The following EGFLAM variants were observed in gnomAD, a reference collection of about 807,000 sequenced individuals.
EGFLAM encodes pikachurin.
A neutral mutation model predicts 113.1 loss-of-function variants in EGFLAM; 79 were observed. The ratio of observed to expected loss-of-function variants is 0.70; its 90% CI spans 0.58 to 0.84. The LOEUF (loss-of-function observed/expected upper bound fraction) is 0.84, where lower values mean the gene tolerates loss of function less well. Among genes scored for constraint, EGFLAM ranks in the 40% least tolerant of loss-of-function variants. The pLI is 0.00. For synonymous variants in EGFLAM, 504 were observed against 487.6 expected (o/e 1.03, Z -0.44); for missense variants, 1,265 against 1,291.6 (o/e 0.98, Z 0.32).
chr5:38,453,945 C>G (rs973483852), intron 19 of EGFLAM, among the ~76,000 whole-genome samples: 1 of 152,200 alleles, frequency 6.6e-6, no homozygotes, highest in Non-Finnish European at 1.5e-5. Flanking sequence ...TCTGCTTTAT[C>G]CTGAACATAC....
chr5:38,409,825 A>G (rs911685188), intron 10 of EGFLAM, among the ~76,000 whole-genome samples: 1 of 152,074 alleles, frequency 6.6e-6, no homozygotes, highest in African/African-American at 2.4e-5. Flanking sequence ...CTCCCCCAAC[A>G]CACTTTGGAA....
intron 3 of EGFLAM, among the ~76,000 whole-genome samples, chr5:38,343,589 C>T (rs1739400654): frequency 6.6e-6 from 1 of 152,150 alleles, no homozygotes; most frequent in Non-Finnish European, 1.5e-5. Context: ...GCCCCTGTAA[C>T]AAAACTCTGG....
chr5:38,432,292 G>T (rs1284348404), intron 15 of EGFLAM, among the ~76,000 whole-genome samples: 1 of 152,094 alleles, frequency 6.6e-6, no homozygotes, highest in Non-Finnish European at 1.5e-5. Flanking sequence ...GGGGAAAGAG[G>T]TACTTGACTG....
At chr5:38,438,087 A>C (rs1167626972) in intron 16 of EGFLAM, among the ~76,000 whole-genome samples, 188 bp from the exon 17 acceptor site, 1 of 147,158 alleles carries the variant, frequency 6.8e-6, no homozygotes, top group Admixed American at 6.9e-5. Flanking sequence ...GCACTACTGC[A>C]CTCCAGCCTG....
At chr5:38,458,444 G>A in intron 20 of EGFLAM, 50 bp downstream of exon 20, 1 of 1,584,604 alleles carries the variant, frequency 6.3e-7, no homozygotes, top group Non-Finnish European at 8.6e-7. Context: ...GCAGTGGTGG[G>A]ATGTGGTGTC....
chr5:38,291,851 G>A (rs1177642616), intron 1 of EGFLAM, among the ~76,000 whole-genome samples: 1 of 152,214 alleles, frequency 6.6e-6, no homozygotes, highest in African/African-American at 2.4e-5. Flanking sequence ...ACCGAAGAGG[G>A]AAATTCCACC....
chr5:38,365,002 T>C (rs1740022482), intron 5 of EGFLAM, among the ~76,000 whole-genome samples: 1 of 152,204 alleles, frequency 6.6e-6, no homozygotes, highest in African/African-American at 2.4e-5. Flanking sequence ...CCCCTCCCTC[T>C]AAGGCCAGTA....
At chr5:38,456,681 G>A (rs1363947888) in intron 19 of EGFLAM, among the ~76,000 whole-genome samples, 1 of 152,156 alleles carries the variant, frequency 6.6e-6, no homozygotes, top group Admixed American at 6.5e-5. Context: ...TGCTTTCTCT[G>A]GAGAAAGCCA....
At chr5:38,326,291 TAGAG>T (rs1738878102) in intron 1 of EGFLAM, among the ~76,000 whole-genome samples, 1 of 152,138 alleles carries the variant, frequency 6.6e-6, no homozygotes. Flanking sequence ...ATCCAGGACA[TAGAG>T]AGCAAAACAT....
chr5:38,351,732 G>A (rs762011455), intron 4 of EGFLAM, among the ~76,000 whole-genome samples: 28 of 152,038 alleles, frequency 1.8e-4, no homozygotes, highest in Non-Finnish European at 4.0e-4. Flanking sequence ...TGATTGTCAG[G>A]GGCAAAACAC....
intron 6 of EGFLAM, among the ~76,000 whole-genome samples, chr5:38,398,860 G>T (rs1039906269): frequency 6.6e-5 from 10 of 152,244 alleles, no homozygotes; most frequent in African/African-American, 2.4e-4. Context: ...CAGCCTCATG[G>T]AGAGAACCAT....
At chr5:38,319,646 T>C (rs1471738105) in intron 1 of EGFLAM, among the ~76,000 whole-genome samples, 1 of 152,050 alleles carries the variant, frequency 6.6e-6, no homozygotes, top group African/African-American at 2.4e-5. Flanking sequence ...TGGGAGGAGA[T>C]GGAGATCTGA....
chr5:38,370,910 T>A (rs1740196973), intron 6 of EGFLAM, among the ~76,000 whole-genome samples: 1 of 152,020 alleles, frequency 6.6e-6, no homozygotes, highest in African/African-American at 2.4e-5. Context: ...GGTCGAGGAG[T>A]ATCAAAGAAG....
intron 1 of EGFLAM, among the ~76,000 whole-genome samples, chr5:38,332,445 C>A (rs913400763): frequency 6.6e-6 from 1 of 152,112 alleles, no homozygotes; most frequent in Non-Finnish European, 1.5e-5. Context: ...CCCACTCTCC[C>A]CCATCAAGTA....
intron 3 of EGFLAM, among the ~76,000 whole-genome samples, chr5:38,340,304 G>C (rs779965487): frequency 7.0e-4 from 106 of 152,268 alleles, no homozygotes; most frequent in Non-Finnish European, 1.1e-3. Context: ...TTCCTTGAAA[G>C]GGGTGTAATA....
chr5:38,416,084 CAAG>C (rs1195976005), intron 11 of EGFLAM, among the ~76,000 whole-genome samples: 1 of 151,970 alleles, frequency 6.6e-6, no homozygotes, highest in Non-Finnish European at 1.5e-5. Context: ...TAAGTAATTG[CAAG>C]AAGCATGTAG....
At chr5:38,322,984 T>G (rs1193426629) in intron 1 of EGFLAM, among the ~76,000 whole-genome samples, 1 of 152,242 alleles carries the variant, frequency 6.6e-6, no homozygotes, top group Admixed American at 6.5e-5. Context: ...CACTTTTTTT[T>G]GGGTTACACA....
chr5:38,409,069 GTCCCTGGCTATCATCCGACGC>G lies in EGFLAM; in HGVS notation c.1321_1341del (p.Ala441_Leu447del), dbSNP rs1741386736. On this transcript the variant is annotated inframe_deletion, in exon 10 of 22. Coordinates refer to ENST00000322350, the MANE Select transcript of EGFLAM (RefSeq NM_152403.4). ...ACGAACACGGGAGGGGGGATTTCAT[GTCCCTGGCTATCATCCGACGC>G]TCCCTGCAGTTCAGGTAATTCCTGC... 1 of 1,592,890 alleles carries G rather than the reference GTCCCTGGCTATCATCCGACGC, an allele frequency of 6.3e-7. No individual in the cohort carries two copies.
chr5:38,449,965 A>G (rs2112261295), intron 18 of EGFLAM, among the ~76,000 whole-genome samples: 1 of 151,990 alleles, frequency 6.6e-6, no homozygotes. Context: ...TCCAGAGGCC[A>G]CTCCCCAGCT....
Sources: allele counts gnomAD v4.1 joint callset (sites outside exome capture counted in the v4.1 genomes callset), GRCh38; gene constraint gnomAD v4.1.1; transcripts MANE v1.5; gene names NCBI Gene and HGNC (gene_info 2026-07-23, HGNC 2026-07-21).